The following EFCAB7 variants were observed in gnomAD, a reference collection of about 807,000 sequenced individuals.
EFCAB7 encodes EF-hand calcium-binding domain-containing protein 7.
EFCAB7 carries 66 observed loss-of-function variants against 77.1 expected under a neutral mutation model. The observed-to-expected ratio is 0.86, with a 90% CI of 0.70 to 1.05. The LOEUF is 1.05. Ranked by LOEUF, EFCAB7 falls within the 50% of genes least tolerant of loss-of-function variation. The pLI is 0.00. For synonymous variants in EFCAB7, 225 were observed against 243.3 expected, an observed-to-expected ratio of 0.92 and a Z score of 0.70; for missense variants, 638 against 730.5, an observed-to-expected ratio of 0.87 and a Z score of 1.46.
chr1:63,579,501 A>G, the EFCAB7 span, among the ~76,000 whole-genome samples: 1 of 152,228 alleles, frequency 6.6e-6, no homozygotes, highest in East Asian at 1.9e-4. Context: ...TAGAACTGCT[A>G]TAAAGTTCAT....
chr1:63,546,957 C>T (rs536557668), intron 7 of EFCAB7: 80 of 152,202 alleles, frequency 5.3e-4, no homozygotes, highest in Non-Finnish European at 9.0e-4. Context: ...CCCTAGATAA[C>T]CTTTTTTAAT....
chr1:63,572,384 T>A, intron 13 of EFCAB7, 58 bp from the exon 14 acceptor site: 1 of 1,421,780 alleles, frequency 7.0e-7, no homozygotes, highest in Non-Finnish European at 9.6e-7. Context: ...TGTTTAAAAA[T>A]TAGCCAAAAG....
the EFCAB7 span, among the ~76,000 whole-genome samples, chr1:63,581,887 C>T: frequency 6.6e-6 from 1 of 152,104 alleles, no homozygotes; most frequent in Non-Finnish European, 1.5e-5. Flanking sequence ...TAAAATTTAT[C>T]AAAATTTAGG....
Position 63,525,657 on chromosome 1 carries a change from C to G in EFCAB7, c.85C>G (p.Leu29Val), listed in dbSNP as rs150959222. 245 of 1,601,780 alleles carry G rather than the reference C, an allele frequency of 1.5e-4. 1 individual carries two copies. In the African/African-American group the frequency reaches 3.1e-3, roughly 20 times the overall value. The change falls in exon 2 of 14, where the codon CTA (leucine) becomes GTA (valine). Residue 29 changes from leucine to valine, a missense_variant. Leu to Val is a conservative substitution (Grantham distance 32). Transcript: ENST00000371088. ...GAGTCCTCGAACAAAGAAATTTCCA[C>G]TAACTGAAGAGGAAATATTTTATAT... The part of the protein sequence containing the change: ...SESPRTKKFP[L>V]TEEEIFYMNC...
At position 63,541,408 on chromosome 1, in the gene EFCAB7, A is replaced by G. The variant is rs530120607; in HGVS notation, c.805-4508A>G. On this transcript the variant is annotated intron_variant, in intron 6 of 13. Transcript: ENST00000371088. ...CATGTCAATAGCTTTAAAAATATAC[A>G]TACATTTTTGCCTAGAAGTTCTCAA... Among the ~76,000 whole-genome samples, 6 of 152,338 alleles carry G rather than the reference A, an allele frequency of 3.9e-5. No individual in the cohort carries two copies. In the South Asian group the frequency reaches 1.2e-3, roughly 32 times the overall value.
chr1:63,576,649 C>T (rs1472190034), downstream of EFCAB7, among the ~76,000 whole-genome samples: 1 of 149,190 alleles, frequency 6.7e-6, no homozygotes, highest in Non-Finnish European at 1.5e-5. Flanking sequence ...GTGAAAGCCC[C>T]GTCTCTACTA....
rs1235704850 is a variant in EFCAB7 at position 63,572,560 on chromosome 1, TTA to T, written c.*45_*46del. The T allele has an allele frequency of 8.2e-6, 11 of 1,341,928 alleles. No homozygotes were observed. Among genetic ancestry groups the T allele is most frequent in the Non-Finnish European group, 1.1e-5 (11 of 1,001,472 alleles). The allele number at this position is 1,341,928 out of a possible 1,614,324, so 83.1% of individuals were successfully genotyped here. A position where few individuals can be genotyped will look rare whatever the true frequency, so the allele number is the denominator to read the frequency against. ...TACCAAACTAAGAATTATTTCAGAT[TTA>T]GTCTGTTATTTATTAAACAACTAAA... On this transcript the variant is annotated 3_prime_UTR_variant, in exon 14 of 14. Transcript: ENST00000371088.
intron 6 of EFCAB7, among the ~76,000 whole-genome samples, chr1:63,541,656 C>A (rs1646830450): frequency 6.6e-6 from 1 of 152,086 alleles, no homozygotes; most frequent in Non-Finnish European, 1.5e-5. Context: ...CCTCCGCCTC[C>A]CGGTTTCAAG....
chr1:63,534,580 C>T (rs1221182188), intron 6 of EFCAB7, among the ~76,000 whole-genome samples: 1 of 152,032 alleles, frequency 6.6e-6, no homozygotes, highest in East Asian at 1.9e-4. Context: ...AACAAAGTCA[C>T]TTTGCTAAGT....
At chr1:63,532,308 T>C (rs899349950) in intron 3 of EFCAB7, among the ~76,000 whole-genome samples, 6 of 152,206 alleles carry the variant, frequency 3.9e-5, no homozygotes, top group African/African-American at 1.4e-4. Flanking sequence ...GATAGTTCCA[T>C]ATGTGATAAG....
Position 63,557,247 on chromosome 1 carries a change from G to T in EFCAB7, c.1348G>T (p.Glu450Ter). Residue 450 changes from glutamate (E) to a stop codon, truncating the protein, a stop_gained and splice_region_variant, in exon 10 of 14, where the codon GAG becomes TAG. Transcript: ENST00000371088. LOFTEE classifies it high-confidence loss of function. ...TGAAGATGCTTGGGCTGTCTGCAGA[G>T]GTAAGCACTTTTCTTTTCCTTAACA... ...CDEDAWAVCR[E>*]NFDTKRNELT... 6.3e-7 allele frequency: 1 copy of T among 1,593,960 alleles called. No individual in the cohort carries two copies. The highest frequency in any genetic ancestry group is 8.5e-7 in the Non-Finnish European group (1 of 1,175,384).
intron 1 of EFCAB7, among the ~76,000 whole-genome samples, 171 bp downstream of exon 1, chr1:63,523,805 G>T (rs1182929902): frequency 6.6e-6 from 1 of 152,194 alleles, no homozygotes; most frequent in African/African-American, 2.4e-5. Context: ...CAAAAATAGA[G>T]AGATGGTGCC....
chr1:63,536,476 G>C (rs530846042), intron 6 of EFCAB7, among the ~76,000 whole-genome samples: 2 of 152,084 alleles, frequency 1.3e-5, no homozygotes, highest in Non-Finnish European at 2.9e-5. Flanking sequence ...CACCTTCCAG[G>C]TTCAAGTGAT....
intron 10 of EFCAB7, among the ~76,000 whole-genome samples, chr1:63,560,313 C>A (rs9436689): frequency 4.6e-5 from 7 of 151,682 alleles, no homozygotes; most frequent in Non-Finnish European, 7.4e-5. Flanking sequence ...AAAGTAGATT[C>A]GTTTTTGATA....
At chr1:63,563,732 ATTG>A (rs1305397875) in intron 11 of EFCAB7, among the ~76,000 whole-genome samples, 3 of 152,044 alleles carry the variant, frequency 2.0e-5, no homozygotes, top group Admixed American at 2.0e-4. Flanking sequence ...AAATTTCTTT[ATTG>A]TTTCTTATTA....
chr1:63,572,663 C>T lies in EFCAB7; in HGVS notation c.*147C>T, dbSNP rs772085755. On this transcript the variant is annotated 3_prime_UTR_variant, in exon 14 of 14. Transcript: ENST00000371088. ...TTTCATTTTATGTCCATGGTATGTA[C>T]TTTATTATTAAAATATAAATAATGC... 2.9e-6 allele frequency: 3 copies of T among 1,025,620 alleles called. No individual in the cohort carries two copies. The highest frequency in any genetic ancestry group is 4.6e-5 in the Admixed American group (1 of 21,680). The allele number at this position is 1,025,620 out of a possible 1,614,324, so 63.5% of individuals were successfully genotyped here. A position where few individuals can be genotyped will look rare whatever the true frequency, so the allele number is the denominator to read the frequency against.
In EFCAB7 at chr1:63,533,522, C is replaced by G; in HGVS notation, c.555C>G (p.Asp185Glu). ...LKTTLEKLEVDSKLMRHQFGN... is the reference protein window; with the variant it reads ...LKTTLEKLEVESKLMRHQFGN... ...CTACACTAGAAAAACTAGAGGTTGACAGTAAATTGATGCGTCACCAGTTTG... is the reference window on the plus strand; with the variant it reads ...CTACACTAGAAAAACTAGAGGTTGAGAGTAAATTGATGCGTCACCAGTTTG... Residue 185 changes from aspartate to glutamate, a missense_variant, in exon 5 of 14, where the codon GAC (aspartate) becomes GAG (glutamate). Physicochemically the swap from Asp to Glu is conservative, Grantham distance 45 (BLOSUM62 2). Coordinates refer to ENST00000371088, the MANE Select transcript of EFCAB7 (RefSeq NM_032437.4). The G allele has an allele frequency of 6.2e-7, 1 of 1,612,986 alleles. No homozygotes were observed.
intron 3 of EFCAB7, among the ~76,000 whole-genome samples, chr1:63,532,458 C>T (rs1445343023): frequency 6.6e-6 from 1 of 152,012 alleles, no homozygotes; most frequent in Non-Finnish European, 1.5e-5. Context: ...ATTTAGTAAA[C>T]TGAAATTCAG....
intron 11 of EFCAB7, among the ~76,000 whole-genome samples, chr1:63,562,487 A>ATATATATATC (rs1647119248): frequency 1.5e-5 from 1 of 66,012 alleles, no homozygotes; most frequent in African/African-American, 7.4e-5. Context: ...ATATATATAT[A>ATATATATATC]TATATATAAA....
Sources: allele counts gnomAD v4.1 joint callset (sites outside exome capture counted in the v4.1 genomes callset), GRCh38; gene constraint gnomAD v4.1.1; transcripts MANE v1.5; gene names NCBI Gene and HGNC (gene_info 2026-07-23, HGNC 2026-07-21).